Variants in SLC25A21 observed in about 807,000 individuals in gnomAD.
SLC25A21 encodes solute carrier family 25 member 21, also known as mitochondrial 2-oxodicarboxylate carrier.
Under a neutral mutation model 43.8 loss-of-function variants are expected in SLC25A21, and 47 were observed. The observed-to-expected ratio is 1.07, with a 90% CI of 0.85 to 1.37. SLC25A21 has a LOEUF of 1.37. SLC25A21 is among the 40% of genes most tolerant of loss of function. The pLI is 0.00. For missense variants in SLC25A21, 352 were observed against 350.2 expected, an observed-to-expected ratio of 1.00 and a Z score of -0.04; for synonymous variants, 131 against 121.3, an observed-to-expected ratio of 1.08 and a Z score of -0.52.
intron 4 of SLC25A21, among the ~76,000 whole-genome samples, chr14:36,731,573 T>C (rs1483556225): frequency 5.3e-5 from 8 of 152,204 alleles, no homozygotes; most frequent in Non-Finnish European, 1.2e-4. Context: ...AGGCCTTAAG[T>C]ATATGAGCAC....
chr14:36,991,655 G>T (rs965035194), intron 1 of SLC25A21, among the ~76,000 whole-genome samples: 6 of 152,162 alleles, frequency 3.9e-5, no homozygotes, highest in African/African-American at 1.4e-4. Flanking sequence ...ACTTGTCCAA[G>T]ACCACATAGC....
chr14:36,730,375 C>T (rs1201916914), intron 4 of SLC25A21, among the ~76,000 whole-genome samples: 5 of 152,120 alleles, frequency 3.3e-5, no homozygotes, highest in Non-Finnish European at 7.4e-5. Context: ...TCCTGGGTAG[C>T]ATGTTCAGGT....
chr14:36,887,347 G>A (rs1255173696), intron 1 of SLC25A21, among the ~76,000 whole-genome samples: 3 of 152,022 alleles, frequency 2.0e-5, no homozygotes, highest in South Asian at 4.2e-4. Context: ...CAGATCATGG[G>A]AGCTCAGGAG....
chr14:37,090,495 T>A (rs1962564230), intron 1 of SLC25A21, among the ~76,000 whole-genome samples: 1 of 152,212 alleles, frequency 6.6e-6, no homozygotes, highest in African/African-American at 2.4e-5. Context: ...GTGACAAGAC[T>A]GTGGATGTCA....
intron 6 of SLC25A21, among the ~76,000 whole-genome samples, chr14:36,717,428 TG>T (rs1884188251): frequency 6.6e-6 from 1 of 152,172 alleles, no homozygotes; most frequent in African/African-American, 2.4e-5. Flanking sequence ...AAACAACCGG[TG>T]AGTGGAGAAG....
At chr14:36,942,376 A>T (rs1397690743) in intron 1 of SLC25A21, among the ~76,000 whole-genome samples, 1 of 152,208 alleles carries the variant, frequency 6.6e-6, no homozygotes, top group African/African-American at 2.4e-5. Context: ...TCTTGGGACA[A>T]GAACTAAGCA....
chr14:36,697,619 G>C (rs540856747), intron 7 of SLC25A21, among the ~76,000 whole-genome samples: 7 of 152,220 alleles, frequency 4.6e-5, no homozygotes, highest in Admixed American at 2.6e-4. Context: ...ATATACTTAG[G>C]ATACTTAGCT....
In SLC25A21 at chr14:37,090,738, C is replaced by T. The variant is rs1962569127; in HGVS notation, c.70+81543G>A. ...GAGAAATAAAAACAACATGTTTACC[C>T]CTTTACATACTAGACCTCTGTGGGT... On this transcript the variant is annotated intron_variant, in intron 1 of 9. Transcript: ENST00000331299. Among the ~76,000 whole-genome samples the T allele has an allele frequency of 2.0e-5, 3 of 152,118 alleles. No individual in the cohort carries two copies. In the South Asian group the frequency reaches 6.2e-4, roughly 31 times the overall value.
At chr14:36,903,830 T>C (rs1295898263) in intron 1 of SLC25A21, among the ~76,000 whole-genome samples, 2 of 152,140 alleles carry the variant, frequency 1.3e-5, no homozygotes, top group Non-Finnish European at 2.9e-5. Flanking sequence ...TTCCCTCCTC[T>C]GACTTTCGGA....
chr14:36,702,475 C>CAAAAA (rs1213350246), intron 7 of SLC25A21, among the ~76,000 whole-genome samples: 160 of 64,870 alleles, frequency 2.5e-3, no homozygotes, highest in East Asian at 4.0e-3. Flanking sequence ...CCTGTCTCCA[C>CAAAAA]AAAAAAAAAA....
chr14:36,966,344 G>C (rs1959615266), intron 1 of SLC25A21, among the ~76,000 whole-genome samples: 1 of 152,196 alleles, frequency 6.6e-6, no homozygotes, highest in African/African-American at 2.4e-5. Context: ...GGTCCATAGA[G>C]AAAGGACCTC....
chr14:36,718,487 CT>C (rs1210818892), intron 6 of SLC25A21, among the ~76,000 whole-genome samples: 1 of 151,010 alleles, frequency 6.6e-6, no homozygotes, highest in Admixed American at 6.6e-5. Flanking sequence ...GAGCCACACG[CT>C]CACTCTCTGT....
Position 37,083,434 on chromosome 14 carries a change from T to C in SLC25A21, c.70+88847A>G, listed in dbSNP as rs181216305. Among the ~76,000 whole-genome samples, 506 of 152,314 alleles carry C rather than the reference T, an allele frequency of 3.3e-3. 1 individual carries two copies. Among genetic ancestry groups the C allele is most frequent in the Non-Finnish European group, 6.2e-3 (425 of 68,026 alleles). ...TAACAACAATAACAATAACACACGT[T>C]CAGTGACTACAATAATGCCAAACAC... is the stretch of plus-strand genomic sequence containing the variant. On this transcript the variant is annotated intron_variant, in intron 1 of 9. Coordinates refer to ENST00000331299, the MANE Select transcript of SLC25A21 (RefSeq NM_030631.4).
At chr14:36,890,986 C>T (rs981070563) in intron 1 of SLC25A21, among the ~76,000 whole-genome samples, 3 of 152,088 alleles carry the variant, frequency 2.0e-5, no homozygotes, top group Admixed American at 6.6e-5. Flanking sequence ...TTTCTAAGAA[C>T]CAAAATACAA....
intron 7 of SLC25A21, among the ~76,000 whole-genome samples, chr14:36,685,479 A>G (rs1281054831): frequency 1.3e-5 from 2 of 152,284 alleles, no homozygotes; most frequent in East Asian, 3.9e-4. Context: ...TCCTGTTATT[A>G]ACAAACCAAC....
intron 2 of SLC25A21, among the ~76,000 whole-genome samples, chr14:36,856,826 G>T (rs1889913334): frequency 6.6e-6 from 1 of 152,200 alleles, no homozygotes. Flanking sequence ...ATCCCACATA[G>T]AAAACATGCA....
At chr14:36,816,027 T>C (rs1888444071) in intron 2 of SLC25A21, among the ~76,000 whole-genome samples, 1 of 152,242 alleles carries the variant, frequency 6.6e-6, no homozygotes. Context: ...CCTCACAGAA[T>C]TATGCTACAA....
intron 1 of SLC25A21, among the ~76,000 whole-genome samples, chr14:37,167,515 T>A (rs1964049677): frequency 6.6e-6 from 1 of 151,144 alleles, no homozygotes; most frequent in South Asian, 2.1e-4. Context: ...TAGTTTACAG[T>A]TTAAAACAAA....
intron 1 of SLC25A21, among the ~76,000 whole-genome samples, chr14:37,122,014 A>G (rs1963218207): frequency 6.6e-6 from 1 of 152,076 alleles, no homozygotes; most frequent in Admixed American, 6.6e-5. Flanking sequence ...TCAGTTTTAT[A>G]TAACATTTTT....
Sources: allele counts gnomAD v4.1 joint callset (sites outside exome capture counted in the v4.1 genomes callset), GRCh38; gene constraint gnomAD v4.1.1; transcripts MANE v1.5; gene names NCBI Gene and HGNC (gene_info 2026-07-23, HGNC 2026-07-21).